PARVB: variants seen among roughly 807,000 people sequenced by gnomAD.
The protein encoded by PARVB is parvin beta, also known as beta-parvin.
A neutral mutation model predicts 47.0 loss-of-function variants in PARVB; 46 were observed. That is an observed-to-expected ratio of 0.98 (90% CI 0.77 to 1.25). PARVB has a LOEUF of 1.25. Among genes scored for constraint, PARVB ranks in the 50% most tolerant of loss-of-function variants. The pLI is 0.00. For missense variants in PARVB, 473 were observed against 471.6 expected (o/e 1.00, Z -0.03); for synonymous variants, 196 against 196.3 (o/e 1.00, Z 0.01).
chr22:44,128,494 C>G (rs1229214628), intron 4 of PARVB, among the ~76,000 whole-genome samples: 1 of 152,254 alleles, frequency 6.6e-6, no homozygotes, highest in Non-Finnish European at 1.5e-5. Flanking sequence ...GCCGTATTCT[C>G]TGTTGCACAG....
At chr22:44,009,974 T>A (rs529129187) in intron 2 of PARVB, among the ~76,000 whole-genome samples, 1 of 152,034 alleles carries the variant, frequency 6.6e-6, no homozygotes, top group East Asian at 1.9e-4. Context: ...GCCCAGCTAA[T>A]TTTTTGTATT....
At chr22:44,099,405 G>A (rs1256307621) in intron 2 of PARVB, among the ~76,000 whole-genome samples, 1 of 152,210 alleles carries the variant, frequency 6.6e-6, no homozygotes, top group Non-Finnish European at 1.5e-5. Flanking sequence ...TCCATGACGG[G>A]CTCAGCTGGC....
chr22:44,044,381 A>G (rs934973005), intron 1 of PARVB, among the ~76,000 whole-genome samples: 9 of 151,984 alleles, frequency 5.9e-5, no homozygotes, highest in Non-Finnish European at 1.0e-4. Context: ...TAGTAGAGAC[A>G]GGGTTTCACC....
intron 4 of PARVB, among the ~76,000 whole-genome samples, chr22:44,124,055 T>A (rs554656004): frequency 3.9e-5 from 6 of 152,236 alleles, no homozygotes; most frequent in Non-Finnish European, 8.8e-5. Flanking sequence ...CCTGGGTGAC[T>A]GGCACATGAC....
chr22:44,119,821 C>T lies in PARVB; in HGVS notation c.376+681C>T, dbSNP rs374073493. The T allele has an allele frequency of 3.0e-5, 16 of 532,554 alleles. No homozygotes were observed. In the Middle Eastern group the frequency reaches 1.1e-3, roughly 38 times the overall value. 33.0% of individuals were successfully genotyped at this position (532,554 alleles called of 1,614,324 possible). A position where few individuals can be genotyped will look rare whatever the true frequency, so the allele number is the denominator to read the frequency against. ...TCAGATTGCTTGTGATGAGGGCCTT[C>T]GGAGATGCCGCAGGTTCTGAGTAGA... On this transcript the variant is annotated intron_variant, in intron 4 of 12. Coordinates refer to ENST00000338758, the MANE Select transcript of PARVB (RefSeq NM_013327.5).
At chr22:44,111,121 A>C (rs973213998) in intron 3 of PARVB, 2 of 151,934 alleles carry the variant, frequency 1.3e-5, no homozygotes. Context: ...TTCCTACACA[A>C]ATTTGGAATC....
At chr22:44,095,890 C>T (rs938645081) in intron 2 of PARVB, among the ~76,000 whole-genome samples, 12 of 152,172 alleles carry the variant, frequency 7.9e-5, no homozygotes, top group African/African-American at 2.9e-4. Flanking sequence ...TGCCTGAGGT[C>T]GCACCAGGGT....
intron 2 of PARVB, among the ~76,000 whole-genome samples, chr22:44,013,923 A>G (rs1428808084): frequency 6.6e-6 from 1 of 152,114 alleles, no homozygotes; most frequent in Admixed American, 6.6e-5. Context: ...GTAAGCCACC[A>G]TGCCTGGCTC....
At chr22:44,122,488 A>AAGAGAGAGAGAGAGAGAGAGAGAG in intron 4 of PARVB, among the ~76,000 whole-genome samples, 1 of 76,672 alleles carries the variant, frequency 1.3e-5, no homozygotes, top group Non-Finnish European at 2.5e-5. Flanking sequence ...CCTGTCGATC[A>AAGAGAGAGAGAGAGAGAGAGAGAG]AGAGAGAGAG....
Position 44,018,004 on chromosome 22 carries a change from G to A in PARVB, c.211+18331G>A, listed in dbSNP as rs1157148315. Among the ~76,000 whole-genome samples the A allele has an allele frequency of 3.9e-5, 6 of 152,088 alleles. No individual in the cohort carries two copies. In the East Asian group the frequency reaches 1.2e-3, roughly 29 times the overall value. On this transcript the variant is annotated intron_variant, in intron 2 of 13. Transcript: ENST00000406477. ...CTGTCCCATGCACCAGATTCTCAAA[G>A]AGGCCAGAGACCCCTGCCCTAGATG... is the stretch of plus-strand genomic sequence containing the variant.
chr22:44,147,417 C>T (rs547229573), intron 8 of PARVB: 5 of 336,582 alleles, frequency 1.5e-5, no homozygotes, highest in East Asian at 7.5e-5. Flanking sequence ...TGCTCCCAGG[C>T]GAGGGGCAGT....
At chr22:44,015,570 G>A (rs1245691396) in intron 2 of PARVB, among the ~76,000 whole-genome samples, 2 of 152,190 alleles carry the variant, frequency 1.3e-5, no homozygotes, top group African/African-American at 4.8e-5. Flanking sequence ...TGTAATCCCA[G>A]CACTTTGGGA....
At chr22:44,149,748 G>A (rs2053761633) in intron 9 of PARVB, 1 of 151,322 alleles carries the variant, frequency 6.6e-6, no homozygotes, top group Admixed American at 6.6e-5. Context: ...TACATCACAG[G>A]CCCTTTGGCG....
chr22:44,005,521 C>T (rs1426365227), intron 2 of PARVB, among the ~76,000 whole-genome samples: 1 of 151,748 alleles, frequency 6.6e-6, no homozygotes, highest in African/African-American at 2.4e-5. Flanking sequence ...TGCTCTGTCA[C>T]CTAGGCTGGA....
intron 1 of PARVB, among the ~76,000 whole-genome samples, chr22:44,054,307 C>T (rs750218079): frequency 1.2e-4 from 18 of 152,148 alleles, no homozygotes; most frequent in Non-Finnish European, 8.8e-5. Context: ...CCTCACCTCT[C>T]GGGCTCAAGT....
At chr22:44,114,336 G>A (rs2052802043) in intron 3 of PARVB, 3 of 147,884 alleles carry the variant, frequency 2.0e-5, no homozygotes, top group Admixed American at 1.4e-4. Flanking sequence ...TGTTACTAAA[G>A]CCTTGCACCA....
At chr22:44,059,604 G>A (rs953395642) in intron 1 of PARVB, among the ~76,000 whole-genome samples, 1 of 152,162 alleles carries the variant, frequency 6.6e-6, no homozygotes, top group Non-Finnish European at 1.5e-5. Context: ...GAAGTAGAAG[G>A]CACCGGTATG....
At chr22:44,079,998 GC>G (rs2147001153) in intron 1 of PARVB, among the ~76,000 whole-genome samples, 2 of 152,354 alleles carry the variant, frequency 1.3e-5, no homozygotes, top group South Asian at 4.1e-4. Context: ...CAGGAGAATG[GC>G]CCGCGGCAGC....
At chr22:44,025,602 A>C (rs2146879634) in intron 1 of PARVB, among the ~76,000 whole-genome samples, 2 of 152,200 alleles carry the variant, frequency 1.3e-5, no homozygotes, top group Middle Eastern at 3.4e-3. Flanking sequence ...TGTCCCCTTC[A>C]GTAGGTCTCC....
Sources: gnomAD v4.1 joint callset for allele counts (sites outside exome capture counted in the v4.1 genomes callset) on GRCh38, gnomAD v4.1.1 for gene constraint, MANE v1.5 for transcripts, NCBI Gene and HGNC (gene_info 2026-07-23, HGNC 2026-07-21) for gene names.